The following ZNF277 variants were observed in gnomAD, a reference collection of about 807,000 sequenced individuals.
ZNF277 encodes the protein zinc finger protein 277.
In ZNF277, 55 loss-of-function variants were observed where a neutral mutation model predicts 60.7. The observed-to-expected ratio is 0.91, with a 90% confidence interval of 0.73 to 1.13. The LOEUF (loss-of-function observed/expected upper bound fraction) is 1.13, where lower values mean the gene tolerates loss of function less well. ZNF277 is among the 50% of genes most tolerant of loss of function. The pLI is 0.00. For missense variants in ZNF277, 510 were observed against 523.0 expected, an observed-to-expected ratio of 0.98 and a Z score of 0.24; for synonymous variants, 178 against 179.3, an observed-to-expected ratio of 0.99 and a Z score of 0.06.
At chr7:112,278,467 C>G (rs1252096982) in intron 1 of ZNF277, among the ~76,000 whole-genome samples, 1 of 152,154 alleles carries the variant, frequency 6.6e-6, no homozygotes, top group Non-Finnish European at 1.5e-5. Flanking sequence ...TAAAACCATT[C>G]TCCTTATTAC....
rs748520572 is a variant in ZNF277, at chr7:112,318,273, G to A, written c.557G>A (p.Arg186Lys). The A allele has an allele frequency of 6.2e-7, 1 of 1,612,044 alleles. No homozygotes were observed. Among genetic ancestry groups the A allele is most frequent in the South Asian group, 1.1e-5 (1 of 90,978 alleles). The change falls in exon 5 of 12, where the codon AGA becomes AAA. Residue 186 changes from arginine (R) to lysine (K), a missense_variant and splice_region_variant. Coordinates refer to ENST00000361822, the MANE Select transcript of ZNF277 (RefSeq NM_021994.3). ...TGCAATGAAGAATTCCTTGGAAACA[G>A]GTTTGCCATTTTGCATCTTTAAATG... ...MFCNEEFLGNRSVILNHMARE... is the reference protein window; with the variant it reads ...MFCNEEFLGNKSVILNHMARE...
chr7:112,303,485 A>G (rs1455371771), intron 4 of ZNF277, among the ~76,000 whole-genome samples: 1 of 152,064 alleles, frequency 6.6e-6, no homozygotes, highest in African/African-American at 2.4e-5. Flanking sequence ...TTTATACAGG[A>G]AAATACTTCT....
intron 2 of ZNF277, among the ~76,000 whole-genome samples, chr7:112,289,766 C>G (rs1792161956): frequency 6.6e-6 from 1 of 152,164 alleles, no homozygotes; most frequent in African/African-American, 2.4e-5. Context: ...CTTTTTGAGT[C>G]CTGGCTGGAG....
intron 5 of ZNF277, among the ~76,000 whole-genome samples, chr7:112,327,110 G>A (rs1397456929): frequency 6.6e-6 from 1 of 152,112 alleles, no homozygotes; most frequent in Non-Finnish European, 1.5e-5. Context: ...TTTCTGTTAG[G>A]CAGTTGCCTC....
At chr7:112,329,433 G>C (rs1016496508) in intron 6 of ZNF277, among the ~76,000 whole-genome samples, 16 of 152,074 alleles carry the variant, frequency 1.1e-4, no homozygotes, top group African/African-American at 3.6e-4. Context: ...TGAGCAGAAG[G>C]TATATGAGAA....
chr7:112,206,996 G>GGGGATGGCGGAGAAAATGCCAT (rs1011325452), intron 1 of ZNF277, among the ~76,000 whole-genome samples, 189 bp downstream of exon 1: 28 of 152,328 alleles, frequency 1.8e-4, no homozygotes, highest in Middle Eastern at 3.4e-3. Flanking sequence ...GGGGCTGCCC[G>GGGGATGGCGGAGAAAATGCCAT]GGGATGGCGG....
intron 4 of ZNF277, among the ~76,000 whole-genome samples, chr7:112,308,491 T>G (rs892308936): frequency 1.3e-5 from 2 of 151,860 alleles, no homozygotes; most frequent in African/African-American, 2.4e-5. Flanking sequence ...CACTCTAGCC[T>G]GGACAACAGA....
chr7:112,340,978 A>C lies in ZNF277; in HGVS notation c.1116A>C (p.Leu372Phe). Residue 372 changes from leucine to phenylalanine, a missense_variant, in exon 11 of 12, where the codon TTA becomes TTC. Coordinates refer to ENST00000361822, the MANE Select transcript of ZNF277 (RefSeq NM_021994.3). ...TGAAGTTCAAATCCAAAGCAGACTT[A>C]AGAACTCACATGGAAGAAACTAAAC... ...CHVKFKSKAD[L>F]RTHMEETKHT... The C allele has an allele frequency of 6.2e-7, 1 of 1,611,434 alleles. No individual in the cohort carries two copies. The highest frequency in any genetic ancestry group is 8.5e-7 in the Non-Finnish European group (1 of 1,179,166).
intron 1 of ZNF277, among the ~76,000 whole-genome samples, chr7:112,236,782 G>A (rs1242056848): frequency 2.0e-5 from 3 of 152,018 alleles, no homozygotes; most frequent in Non-Finnish European, 2.9e-5. Flanking sequence ...GTTGTAAAGT[G>A]AGGGACTTCG....
In ZNF277 at chr7:112,342,596, T is replaced by G. The variant is rs758103097; in HGVS notation, c.1220T>G (p.Leu407Arg). ...YFPTYENDTLLCTLSDSESDL... is the reference protein window; with the variant it reads ...YFPTYENDTLRCTLSDSESDL... ...CCAACCTATGAAAATGACACTCTCC[T>G]GTGTACACTATCTGACAGTGAAAGT... is the stretch of plus-strand genomic sequence containing the variant. The change falls in exon 12 of 12, where the codon CTG becomes CGG. Residue 407 changes from leucine to arginine, a missense_variant. Leu to Arg is a moderately radical substitution (Grantham distance 102, BLOSUM62 -2). Coordinates refer to ENST00000361822, the MANE Select transcript of ZNF277 (RefSeq NM_021994.3). 3 of 1,611,838 alleles carry G rather than the reference T, an allele frequency of 1.9e-6. No homozygotes were observed. The highest frequency in any genetic ancestry group is 1.7e-6 in the Non-Finnish European group (2 of 1,179,474).
intron 1 of ZNF277, among the ~76,000 whole-genome samples, chr7:112,228,425 A>G (rs1206314678): frequency 1.5e-5 from 2 of 134,408 alleles, no homozygotes; most frequent in East Asian, 4.7e-4. Context: ...GCACAGGTGA[A>G]TGCATGTTCT....
At chr7:112,251,892 T>A (rs1252546871) in intron 1 of ZNF277, among the ~76,000 whole-genome samples, 1 of 152,218 alleles carries the variant, frequency 6.6e-6, no homozygotes, top group Non-Finnish European at 1.5e-5. Flanking sequence ...TATCTCTCAT[T>A]TTTAAAGACA....
intron 1 of ZNF277, among the ~76,000 whole-genome samples, chr7:112,227,103 A>G (rs576510971): frequency 6.6e-6 from 1 of 152,308 alleles, no homozygotes; most frequent in East Asian, 1.9e-4. Context: ...TTGTGGCAAT[A>G]CGTTAGTGAA....
chr7:112,286,841 CTTTTT>C lies in ZNF277; in HGVS notation c.92-17_92-13del, dbSNP rs10710470. ...AGTTGGTTTCAGCTTTTCTTTCTTT[CTTTTT>C]TTTTTTTTTTTTTTGGTCTATTCCA... On this transcript the variant is annotated intron_variant, in intron 1 of 11. Coordinates refer to ENST00000361822, the MANE Select transcript of ZNF277 (RefSeq NM_021994.3). 3,152 of 946,146 alleles carry C rather than the reference CTTTTT, an allele frequency of 3.3e-3. 3 individuals carry two copies. Among genetic ancestry groups the C allele is most frequent in the African/African-American group, 5.5e-3 (198 of 35,718 alleles). The allele number at this position is 946,146 out of a possible 1,614,324, so 58.6% of individuals were successfully genotyped here.
chr7:112,250,814 G>A (rs1791187048), intron 1 of ZNF277, among the ~76,000 whole-genome samples: 1 of 152,154 alleles, frequency 6.6e-6, no homozygotes, highest in Non-Finnish European at 1.5e-5. Context: ...GTCTTGCTAA[G>A]AATGTTGGTG....
At chr7:112,340,398 G>A (rs143741043) in intron 10 of ZNF277, among the ~76,000 whole-genome samples, 31 of 152,306 alleles carry the variant, frequency 2.0e-4, no homozygotes, top group African/African-American at 7.2e-4. Context: ...TAAGACATAC[G>A]TAAAGTACTG....
At chr7:112,234,529 A>G (rs775758131) in intron 1 of ZNF277, among the ~76,000 whole-genome samples, 3 of 152,126 alleles carry the variant, frequency 2.0e-5, no homozygotes, top group Non-Finnish European at 4.4e-5. Context: ...CTATCAGCAC[A>G]TTGGTGATTA....
chr7:112,292,924 A>G (rs1230267860), intron 2 of ZNF277, among the ~76,000 whole-genome samples: 1 of 152,100 alleles, frequency 6.6e-6, no homozygotes, highest in African/African-American at 2.4e-5. Context: ...GGATAAATAT[A>G]AATTATTCAC....
intron 5 of ZNF277, among the ~76,000 whole-genome samples, chr7:112,320,644 G>A (rs749463459): frequency 1.3e-5 from 2 of 151,928 alleles, no homozygotes; most frequent in Non-Finnish European, 2.9e-5. Flanking sequence ...TTCATTGTTT[G>A]TTTTAACCTG....
Sources: gnomAD v4.1 joint callset for allele counts (sites outside exome capture counted in the v4.1 genomes callset) on GRCh38, gnomAD v4.1.1 for gene constraint, MANE v1.5 for transcripts, NCBI Gene and HGNC (gene_info 2026-07-23, HGNC 2026-07-21) for gene names.